LAMA2: variants seen among roughly 807,000 people sequenced by gnomAD.
LAMA2 encodes laminin subunit alpha 2.
Under a neutral mutation model 364.8 loss-of-function variants are expected in LAMA2, and 269 were observed. That is an observed-to-expected ratio of 0.74 (90% confidence interval 0.67 to 0.82). The LOEUF is 0.82. Among genes scored for constraint, LAMA2 ranks in the 40% least tolerant of loss-of-function variants. The pLI, the probability that LAMA2 is intolerant of heterozygous loss-of-function variation, is 0.00. For synonymous variants in LAMA2, 1,379 were observed against 1,370.6 expected, an observed-to-expected ratio of 1.01 and a Z score of -0.14; for missense variants, 3,807 against 3,873.2, an observed-to-expected ratio of 0.98 and a Z score of 0.45.
intron 34 of LAMA2, among the ~76,000 whole-genome samples, chr6:129,381,579 G>GT (rs755128364): frequency 9.9e-5 from 15 of 152,212 alleles, no homozygotes; most frequent in Admixed American, 3.9e-4. Context: ...AGGAAGCCAA[G>GT]TTTAAGGAAA....
intron 63 of LAMA2, among the ~76,000 whole-genome samples, chr6:129,513,833 G>A (rs1786801698): frequency 6.6e-6 from 1 of 151,954 alleles, no homozygotes; most frequent in South Asian, 2.1e-4. Context: ...ACATGAAACG[G>A]GCTCCAAAAT....
At chr6:128,942,062 A>G (rs1037258141) in intron 1 of LAMA2, among the ~76,000 whole-genome samples, 6 of 152,232 alleles carry the variant, frequency 3.9e-5, no homozygotes, top group Non-Finnish European at 8.8e-5. Flanking sequence ...TCCAAGATAT[A>G]TGAGTAAAAG....
chr6:129,482,496 T>G (rs1400838711), intron 55 of LAMA2, among the ~76,000 whole-genome samples: 1 of 152,196 alleles, frequency 6.6e-6, no homozygotes, highest in Non-Finnish European at 1.5e-5. Flanking sequence ...TTATTTTGTC[T>G]GCCATGACCA....
chr6:128,911,643 C>G (rs970941471), intron 1 of LAMA2, among the ~76,000 whole-genome samples: 4 of 152,258 alleles, frequency 2.6e-5, no homozygotes, highest in Non-Finnish European at 4.4e-5. Flanking sequence ...TGTTCCTATT[C>G]GGCCATCTTG....
chr6:129,400,342 T>C (rs1483595025), intron 37 of LAMA2, among the ~76,000 whole-genome samples: 1 of 152,208 alleles, frequency 6.6e-6, no homozygotes, highest in Non-Finnish European at 1.5e-5. Context: ...ACTTATTCAA[T>C]TTCCCACTTA....
intron 1 of LAMA2, among the ~76,000 whole-genome samples, chr6:129,026,063 C>T (rs551903509): frequency 6.6e-6 from 1 of 152,260 alleles, no homozygotes; most frequent in East Asian, 1.9e-4. Context: ...TGATTTACCT[C>T]ATCAGTAAAA....
At chr6:128,994,635 C>A (rs1479619038) in intron 1 of LAMA2, among the ~76,000 whole-genome samples, 2 of 152,034 alleles carry the variant, frequency 1.3e-5, no homozygotes, top group African/African-American at 4.8e-5. Flanking sequence ...TGAGTACATA[C>A]CTAATACTAT....
chr6:129,039,701 C>A (rs529623651), intron 1 of LAMA2, among the ~76,000 whole-genome samples: 12 of 152,290 alleles, frequency 7.9e-5, no homozygotes, highest in Admixed American at 7.8e-4. Context: ...CAGGATGAAA[C>A]TGTTCCACCT....
intron 14 of LAMA2, among the ~76,000 whole-genome samples, chr6:129,253,847 T>G (rs1786437645): frequency 6.6e-6 from 1 of 152,228 alleles, no homozygotes; most frequent in Non-Finnish European, 1.5e-5. Context: ...ACAGGAGGAA[T>G]GCATTCACAG....
At chr6:128,988,371 T>C (rs777846139) in intron 1 of LAMA2, among the ~76,000 whole-genome samples, 1 of 152,104 alleles carries the variant, frequency 6.6e-6, no homozygotes, top group South Asian at 2.1e-4. Flanking sequence ...AAAAAAAAAA[T>C]TTGATTTCTC....
At chr6:129,353,096 C>T (rs540516307) in intron 31 of LAMA2, 68 bp from the exon 32 acceptor site, 1 of 1,250,682 alleles carries the variant, frequency 8.0e-7, no homozygotes, top group East Asian at 2.4e-5. Flanking sequence ...AAACAAAAGA[C>T]CACACACAAC....
intron 12 of LAMA2, among the ~76,000 whole-genome samples, chr6:129,198,127 C>G (rs767418653): frequency 3.9e-5 from 6 of 151,902 alleles, no homozygotes; most frequent in Non-Finnish European, 7.4e-5. Context: ...TGGTTGGCAA[C>G]AAAACTTACG....
At chr6:129,234,162 T>C (rs1489570724) in intron 12 of LAMA2, among the ~76,000 whole-genome samples, 1 of 152,146 alleles carries the variant, frequency 6.6e-6, no homozygotes, top group Non-Finnish European at 1.5e-5. Context: ...CTTACTGGAC[T>C]CCAATATGAG....
rs529491245 is a variant in LAMA2, at chr6:128,917,199, A to C, written c.112+33842A>C. ...TTTAAAAAAAAAAAAAACTAATTACAGAATTAATATATGTTTACTATGTAC... is the reference window on the plus strand; with the variant it reads ...TTTAAAAAAAAAAAAAACTAATTACCGAATTAATATATGTTTACTATGTAC... On this transcript the variant is annotated intron_variant, in intron 1 of 64. Transcript: ENST00000421865. Among the ~76,000 whole-genome samples, 9 of 152,024 alleles carry C rather than the reference A, an allele frequency of 5.9e-5. No homozygotes were observed. The South Asian group carries it at 1.9e-3, about 32-fold the overall frequency.
intron 10 of LAMA2, among the ~76,000 whole-genome samples, chr6:129,187,679 A>G (rs1372567589): frequency 6.6e-6 from 1 of 151,724 alleles, no homozygotes; most frequent in African/African-American, 2.4e-5. Context: ...TGAGACCAGA[A>G]ATGTTTCCGA....
In LAMA2 at chr6:129,340,856, AAAAAGAAAAGAAAAG is replaced by A. The variant is rs201950207; in HGVS notation, c.4312-1475_4312-1461del. ...AAAAAAAAAAAAAAAAAAAAAAGAG[AAAAAGAAAAGAAAAG>A]AAAAGAAAAGACTTGTACCTTGTCA... On this transcript the variant is annotated intron_variant, in intron 29 of 64. Coordinates refer to ENST00000421865, the MANE Select transcript of LAMA2 (RefSeq NM_000426.4). Among the ~76,000 whole-genome samples, 376 of 149,750 alleles carry A rather than the reference AAAAAGAAAAGAAAAG, an allele frequency of 2.5e-3. 1 individual carries two copies. Among genetic ancestry groups the A allele is most frequent in the African/African-American group, 8.6e-3 (350 of 40,720 alleles).
intron 58 of LAMA2, among the ~76,000 whole-genome samples, chr6:129,493,102 C>T (rs1784962013): frequency 6.6e-6 from 1 of 152,088 alleles, no homozygotes; most frequent in African/African-American, 2.4e-5. Flanking sequence ...TTGCAGTGAG[C>T]CGAGATCACG....
intron 5 of LAMA2, among the ~76,000 whole-genome samples, chr6:129,145,752 C>T (rs569642113): frequency 1.3e-5 from 2 of 151,960 alleles, no homozygotes; most frequent in South Asian, 2.1e-4. Context: ...AATAAACACT[C>T]ATTTAAATAT....
At chr6:129,454,055 C>A in intron 46 of LAMA2, 100 bp from the exon 47 acceptor site, 1 of 849,526 alleles carries the variant, frequency 1.2e-6, no homozygotes, top group South Asian at 1.4e-5. Context: ...AATCATTTCA[C>A]ATGTCTGCAA....
Sources: allele counts gnomAD v4.1 joint callset (sites outside exome capture counted in the v4.1 genomes callset), GRCh38; gene constraint gnomAD v4.1.1; transcripts MANE v1.5; gene names NCBI Gene and HGNC (gene_info 2026-07-23, HGNC 2026-07-21).